N4BP2: variants seen among roughly 807,000 people sequenced by gnomAD.
N4BP2 encodes the protein NEDD4-binding protein 2.
In N4BP2, 91 loss-of-function variants were observed where a neutral mutation model predicts 152.8. The ratio of observed to expected loss-of-function variants is 0.60; its 90% CI spans 0.50 to 0.71. The LOEUF (loss-of-function observed/expected upper bound fraction) is 0.71, where lower values mean the gene tolerates loss of function less well. N4BP2 is among the 30% of genes least tolerant of loss of function. The pLI, the probability that N4BP2 is intolerant of heterozygous loss-of-function variation, is 0.00. For synonymous variants in N4BP2, 646 were observed against 705.3 expected, an observed-to-expected ratio of 0.92 and a Z score of 1.33; for missense variants, 1,923 against 2,059.1, an observed-to-expected ratio of 0.93 and a Z score of 1.28.
At chr4:40,125,833 G>T (rs1025620375) in intron 11 of N4BP2, among the ~76,000 whole-genome samples, 1 of 148,798 alleles carries the variant, frequency 6.7e-6, no homozygotes, top group Non-Finnish European at 1.5e-5. Context: ...GTTGCAGTGA[G>T]CCGAGACTGC....
chr4:40,073,474 A>G lies in N4BP2; in HGVS notation c.-192A>G, dbSNP rs538510432. ...TCATAGTAAGAAGACATGTTGGATA[A>G]CAAGAAGAGGTGTAGAGTTTGCATA... On this transcript the variant is annotated 5_prime_UTR_variant, in exon 2 of 18. Coordinates refer to ENST00000261435, the MANE Select transcript of N4BP2 (RefSeq NM_018177.6). 6.6e-5 allele frequency: 10 copies of G among 152,312 alleles called. No individual in the cohort carries two copies. Among genetic ancestry groups the G allele is most frequent in the Admixed American group, 5.2e-4 (8 of 15,274 alleles). The allele number at this position is 152,312 out of a possible 1,614,324, so 9.4% of individuals were successfully genotyped here. A position where few individuals can be genotyped will look rare whatever the true frequency, so the allele number is the denominator to read the frequency against.
chr4:40,088,246 A>G (rs551371701), intron 2 of N4BP2, among the ~76,000 whole-genome samples: 1 of 152,218 alleles, frequency 6.6e-6, no homozygotes, highest in South Asian at 2.1e-4. Context: ...TGCTGTAAAC[A>G]TTTGTTTACA....
chr4:40,139,793 G>A (rs2110027515), intron 14 of N4BP2, among the ~76,000 whole-genome samples: 1 of 131,310 alleles, frequency 7.6e-6, no homozygotes, highest in South Asian at 2.5e-4. Context: ...GCCAGGCCTA[G>A]CATTAGGCTT....
chr4:40,090,952 A>AAGAAGTTGT (rs1553920146), intron 2 of N4BP2, among the ~76,000 whole-genome samples: 2 of 100,060 alleles, frequency 2.0e-5, no homozygotes, highest in African/African-American at 7.6e-5. Context: ...AAAAAAAAAA[A>AAGAAGTTGT]AGTTTATAAG....
At chr4:40,080,215 A>G (rs1202967122) in intron 2 of N4BP2, among the ~76,000 whole-genome samples, 1 of 152,016 alleles carries the variant, frequency 6.6e-6, no homozygotes, top group Non-Finnish European at 1.5e-5. Context: ...TAGATGATAA[A>G]ATAGTTAAAC....
At position 40,081,694 on chromosome 4, in the gene N4BP2, G is replaced by T. The variant is rs867265223; in HGVS notation, c.-115+8143G>T. On this transcript the variant is annotated intron_variant, in intron 2 of 17. Coordinates refer to ENST00000261435, the MANE Select transcript of N4BP2 (RefSeq NM_018177.6). ...CTACAGTTAAATATTATCCAAATCA[G>T]GCTGGGCACAGTGGCTCATGCCTTT... Among the ~76,000 whole-genome samples, 7 of 152,186 alleles carry T rather than the reference G, an allele frequency of 4.6e-5. No individual in the cohort carries two copies. In the South Asian group the frequency reaches 1.2e-3, roughly 27 times the overall value.
chr4:40,168,592 T>TTAAC, the N4BP2 span, among the ~76,000 whole-genome samples: 1 of 151,482 alleles, frequency 6.6e-6, no homozygotes, highest in Non-Finnish European at 1.5e-5. Context: ...TTTATGGATT[T>TTAAC]TACACCTTTT....
intron 5 of N4BP2, among the ~76,000 whole-genome samples, chr4:40,109,591 AC>A (rs1050379267): frequency 6.6e-6 from 1 of 151,928 alleles, no homozygotes; most frequent in African/African-American, 2.4e-5. Context: ...GGTGGTGCAC[AC>A]CTATAGTCCC....
rs1706026 is a variant in N4BP2, at chr4:40,117,398, G to A, written c.1665-471G>A. Among the ~76,000 whole-genome samples, 1,027 of 152,242 alleles carry A rather than the reference G, an allele frequency of 6.7e-3. 12 individuals carry two copies. The highest frequency in any genetic ancestry group is 0.023 in the African/African-American group (956 of 41,550). On this transcript the variant is annotated intron_variant, in intron 7 of 17. Coordinates refer to ENST00000261435, the MANE Select transcript of N4BP2 (RefSeq NM_018177.6). ...TCACAAAGCCTTGAATTCAACCCAA[G>A]ACAGGAAAGTTGCAATTGAGATGTT...
chr4:40,107,575 G>A (rs927935012), intron 5 of N4BP2, among the ~76,000 whole-genome samples: 6 of 151,672 alleles, frequency 4.0e-5, no homozygotes, highest in Admixed American at 6.6e-5. Flanking sequence ...ATAGAGACGG[G>A]GTTTCCCCGT....
intron 7 of N4BP2, 24 bp from the exon 8 acceptor site, chr4:40,117,845 C>A: frequency 1.9e-6 from 3 of 1,573,862 alleles, no homozygotes; most frequent in South Asian, 1.2e-5. Context: ...TTCCTTCAAC[C>A]CTTTTTTCCC....
At chr4:40,058,653 A>C (rs1041840207) in intron 1 of N4BP2, among the ~76,000 whole-genome samples, 18 of 152,200 alleles carry the variant, frequency 1.2e-4, no homozygotes, top group African/African-American at 4.1e-4. Context: ...TATTTCATAG[A>C]AAAAGTGGGC....
chr4:40,059,192 G>GT (rs1248568480), intron 1 of N4BP2, among the ~76,000 whole-genome samples: 1 of 152,108 alleles, frequency 6.6e-6, no homozygotes, highest in Non-Finnish European at 1.5e-5. Context: ...GATTATGCAT[G>GT]TTTTTTGATA....
At chr4:40,096,182 A>G (rs1326395424) in intron 2 of N4BP2, among the ~76,000 whole-genome samples, 1 of 152,180 alleles carries the variant, frequency 6.6e-6, no homozygotes, top group East Asian at 1.9e-4. Context: ...ACTTTATTGG[A>G]ATATGGGTGG....
At chr4:40,170,536 G>C in the N4BP2 span, among the ~76,000 whole-genome samples, 848 of 152,280 alleles carry the variant, frequency 5.6e-3, 6 homozygotes, top group African/African-American at 0.019. Flanking sequence ...TACTTGTGGG[G>C]TGCTGAGACA....
chr4:40,137,863 C>T (rs1159875761), intron 14 of N4BP2, among the ~76,000 whole-genome samples: 1 of 152,116 alleles, frequency 6.6e-6, no homozygotes, highest in African/African-American at 2.4e-5. Flanking sequence ...AGGGACTTCC[C>T]CTGGTTGTCT....
chr4:40,068,725 T>A (rs1711810922), intron 1 of N4BP2, among the ~76,000 whole-genome samples: 1 of 152,214 alleles, frequency 6.6e-6, no homozygotes, highest in Non-Finnish European at 1.5e-5. Context: ...CTCTGTAATG[T>A]AAGGTGTTTT....
chr4:40,144,140 G>A (rs1232732540), intron 15 of N4BP2, among the ~76,000 whole-genome samples: 1 of 152,010 alleles, frequency 6.6e-6, no homozygotes, highest in Admixed American at 6.6e-5. Flanking sequence ...CCAAAGGCAG[G>A]AGGAGAACAT....
Position 40,120,104 on chromosome 4 carries a change from A to G in N4BP2, c.1993A>G (p.Ile665Val), listed in dbSNP as rs1157259872. ...AGATTTAAACAAAAGAAGAAAAGAA[A>G]TAAGTGATATGAATCCTAGCATTCA... ...NADLNKRRKE[I>V]SDMNPSIQSA... The change falls in exon 9 of 18, where the codon ATA (isoleucine) becomes GTA (valine). Residue 665 changes from isoleucine (I) to valine (V), a missense_variant. By Grantham distance (29) the Ile-to-Val change is conservative. Transcript: ENST00000261435. 4 of 1,611,998 alleles carry G rather than the reference A, an allele frequency of 2.5e-6. No homozygotes were observed. Among genetic ancestry groups the G allele is most frequent in the Admixed American group, 1.7e-5 (1 of 59,398 alleles).
Sources: allele counts gnomAD v4.1 joint callset (sites outside exome capture counted in the v4.1 genomes callset), GRCh38; gene constraint gnomAD v4.1.1; transcripts MANE v1.5; gene names NCBI Gene and HGNC (gene_info 2026-07-23, HGNC 2026-07-21).